MYLK: variants seen among roughly 807,000 people sequenced by gnomAD.
The protein encoded by MYLK is myosin light chain kinase.
Under a neutral mutation model 203.4 loss-of-function variants are expected in MYLK, and 106 were observed. The observed-to-expected ratio is 0.52, with a 90% confidence interval of 0.45 to 0.61. MYLK has a LOEUF of 0.61. Among genes scored for constraint, MYLK ranks in the 20% least tolerant of loss-of-function variants. The probability of loss-of-function intolerance (pLI) is 0.00; values close to 1 mark genes in which losing one functional copy is unlikely to be tolerated. For missense variants in MYLK, 2,072 were observed against 2,442.3 expected, an observed-to-expected ratio of 0.85 and a Z score of 3.20; for synonymous variants, 867 against 959.5, an observed-to-expected ratio of 0.90 and a Z score of 1.78.
chr3:123,635,858 G>A (rs77379923), intron 29 of MYLK, among the ~76,000 whole-genome samples: 236 of 152,182 alleles, frequency 1.6e-3, no homozygotes, highest in Non-Finnish European at 2.1e-3. Context: ...AAAGCAGAAC[G>A]GATAAATTAA....
chr3:123,776,082 C>G (rs2109007761), intron 4 of MYLK, among the ~76,000 whole-genome samples: 1 of 152,316 alleles, frequency 6.6e-6, no homozygotes, highest in East Asian at 1.9e-4. Context: ...GCCTCCCACC[C>G]TCCTGACCGC....
chr3:123,700,341 G>A lies in MYLK; in HGVS notation c.3127C>T (p.Pro1043Ser). The A allele has an allele frequency of 6.2e-7, 1 of 1,613,574 alleles. No individual in the cohort carries two copies. The highest frequency in any genetic ancestry group is 8.5e-7 in the Non-Finnish European group (1 of 1,179,858). The change falls in exon 18 of 34, where the codon CCT (proline) becomes TCT (serine). Residue 1043 changes from proline (P) to serine (S), a missense_variant. By Grantham distance (74) the Pro-to-Ser change is moderately conservative. Transcript: ENST00000360304. ...ETLKPMGNAKPAETLKPMGNA... is the reference protein window; with the variant it reads ...ETLKPMGNAKSAETLKPMGNA... ...CCCATGGGCTTCAGGGTCTCGGCAG[G>A]CTTGGCGTTGCCCATTGGCTTCAGG...
At position 123,778,728 on chromosome 3, in the gene MYLK, C is replaced by T. The variant is rs557483823; in HGVS notation, c.165+14949G>A. ...GGGCGGCTGAAACCTGCAGGTGTGA[C>T]CTTTGTTTCCATCTCTGGAGACTAA... On this transcript the variant is annotated intron_variant, in intron 4 of 33. Coordinates refer to ENST00000360304, the MANE Select transcript of MYLK (RefSeq NM_053025.4). Among the ~76,000 whole-genome samples, 131 of 152,284 alleles carry T rather than the reference C, an allele frequency of 8.6e-4. 1 individual carries two copies. Among genetic ancestry groups the T allele is most frequent in the African/African-American group, 3.0e-3 (126 of 41,558 alleles).
intron 19 of MYLK, among the ~76,000 whole-genome samples, chr3:123,686,175 G>A (rs903586395): frequency 6.6e-6 from 1 of 152,184 alleles, no homozygotes; most frequent in Non-Finnish European, 1.5e-5. Context: ...ATTTTGTGAT[G>A]AAATTAAACT....
intron 2 of MYLK, among the ~76,000 whole-genome samples, chr3:123,861,742 T>C (rs2031943277): frequency 6.6e-6 from 1 of 152,194 alleles, no homozygotes; most frequent in Non-Finnish European, 1.5e-5. Flanking sequence ...CAGCAGGTAC[T>C]TGACAAGTAC....
intron 13 of MYLK, among the ~76,000 whole-genome samples, chr3:123,718,403 A>C (rs1448559923): frequency 6.6e-6 from 1 of 152,166 alleles, no homozygotes; most frequent in Admixed American, 6.5e-5. Flanking sequence ...ATAATTAAGC[A>C]AGTAGAGTAA....
intron 16 of MYLK, among the ~76,000 whole-genome samples, chr3:123,705,452 T>A (rs1279991291): frequency 6.6e-6 from 1 of 152,202 alleles, no homozygotes; most frequent in Non-Finnish European, 1.5e-5. Flanking sequence ...CCATAAGGAA[T>A]GGAAGAGCAT....
At chr3:123,643,171 A>G (rs1440035822) in intron 27 of MYLK, among the ~76,000 whole-genome samples, 3 of 152,192 alleles carry the variant, frequency 2.0e-5, no homozygotes, top group Admixed American at 6.5e-5. Context: ...CCTTATGTCC[A>G]TGGCCTCGTC....
chr3:123,846,270 A>C (rs913885701), intron 2 of MYLK, among the ~76,000 whole-genome samples: 1 of 152,202 alleles, frequency 6.6e-6, no homozygotes, highest in Admixed American at 6.5e-5. Context: ...GTTTGTGTGA[A>C]TGCACAGAAA....
Position 123,726,054 on chromosome 3 carries a change from G to C in MYLK, c.1541C>G (p.Pro514Arg). ...VERLAVMEVA[P>R]SFSSVLKDCA... ...GTCCTTCAGGACACTGGAGAAGGAG[G>C]GGGCCACCTCCATCACGGCAAGCCC... The change falls in exon 12 of 34, where the codon CCC (proline) becomes CGC (arginine). Residue 514 changes from proline (P) to arginine (R), a missense_variant. Coordinates refer to ENST00000360304, the MANE Select transcript of MYLK (RefSeq NM_053025.4). 1.9e-6 allele frequency: 3 copies of C among 1,614,142 alleles called. No homozygotes were observed. Among genetic ancestry groups the C allele is most frequent in the Non-Finnish European group, 1.7e-6 (2 of 1,180,008 alleles).
chr3:123,734,144 C>A lies in MYLK; in HGVS notation c.852G>T (p.Lys284Asn), dbSNP rs2062593928. 1 of 1,559,878 alleles carries A rather than the reference C, an allele frequency of 6.4e-7. No individual in the cohort carries two copies. Among genetic ancestry groups the A allele is most frequent in the Non-Finnish European group, 8.7e-7 (1 of 1,155,332 alleles). ...TGGCTGCAGCCTCCAGACTGTCCAG[C>A]TTCGACTCCTTTGAGATTACATTGG... ...EVTNVISKESKLDSLEAAAKS... is the reference protein window; with the variant it reads ...EVTNVISKESNLDSLEAAAKS... The change falls in exon 10 of 34, where the codon AAG (lysine) becomes AAT (asparagine). Residue 284 changes from lysine (K) to asparagine (N), a missense_variant. Transcript: ENST00000360304.
chr3:123,771,622 T>C (rs961093524), intron 4 of MYLK, among the ~76,000 whole-genome samples: 1 of 152,254 alleles, frequency 6.6e-6, no homozygotes, highest in Non-Finnish European at 1.5e-5. Context: ...TTAAAGGCTA[T>C]GCATATACAG....
chr3:123,685,368 G>T (rs1179217440), intron 19 of MYLK, among the ~76,000 whole-genome samples: 6 of 152,160 alleles, frequency 3.9e-5, no homozygotes, highest in Non-Finnish European at 4.4e-5. Context: ...CAAGGCAGTT[G>T]GATCACTTGG....
chr3:123,706,225 G>A (rs1176810495), intron 16 of MYLK, among the ~76,000 whole-genome samples: 3 of 152,220 alleles, frequency 2.0e-5, no homozygotes, highest in South Asian at 4.2e-4. Context: ...AAAAATAAAC[G>A]AGCTATTTTT....
chr3:123,701,049 G>C, intron 17 of MYLK, 44 bp from the exon 18 acceptor site: 1 of 1,596,658 alleles, frequency 6.3e-7, no homozygotes, highest in Non-Finnish European at 8.5e-7. Context: ...GGAGGAAAAG[G>C]GGCTGGGTAA....
rs1297887127 is a variant in MYLK at position 123,681,866 on chromosome 3, C to A, written c.3652+358G>T. The A allele has an allele frequency of 8.7e-6, 3 of 345,292 alleles. No homozygotes were observed. In the Admixed American group the frequency reaches 1.2e-4, roughly 13 times the overall value. The allele number at this position is 345,292 out of a possible 1,614,324, so 21.4% of individuals were successfully genotyped here. ...TCAGAGTTACAATCCAGAAAGAGCC[C>A]CTGGGAGGGCAGGATCAACTGGGGA... On this transcript the variant is annotated intron_variant, in intron 20 of 33. Coordinates refer to ENST00000360304, the MANE Select transcript of MYLK (RefSeq NM_053025.4).
intron 13 of MYLK, among the ~76,000 whole-genome samples, chr3:123,711,212 C>T (rs1041607392): frequency 3.3e-5 from 5 of 151,402 alleles, no homozygotes; most frequent in Middle Eastern, 3.4e-3. Flanking sequence ...GGGCAGGGGA[C>T]GGGGGGTTGG....
chr3:123,660,167 C>G lies in MYLK; in HGVS notation c.3986-2739G>C, dbSNP rs554654597. Among the ~76,000 whole-genome samples, 45 of 152,258 alleles carry G rather than the reference C, an allele frequency of 3.0e-4. 1 individual carries two copies. In the South Asian group the frequency reaches 5.8e-3, roughly 20 times the overall value. On this transcript the variant is annotated intron_variant, in intron 23 of 33. Transcript: ENST00000360304. ...AGGCATTTTGCTTATCAAGAAAACC[C>G]AGTAGTCAGTGGCAGAGCCAAAAGG... is the stretch of plus-strand genomic sequence containing the variant.
Position 123,700,395 on chromosome 3 carries a change from G to A in MYLK, c.3073C>T (p.Pro1025Ser), listed in dbSNP as rs1386649547. 2 of 1,613,562 alleles carry A rather than the reference G, an allele frequency of 1.2e-6. No individual in the cohort carries two copies. The highest frequency in any genetic ancestry group is 2.2e-5 in the East Asian group (1 of 44,844). ...SNAQPSGPLK[P>S]VGNAKPAETL... is the part of the protein sequence containing the mutation. ...TCAGCAGGCTTGGCGTTGCCCACGG[G>A]TTTCAAGGGCCCTGAAGGCTGTGCA... The change falls in exon 18 of 34, where the codon CCC becomes TCC. Residue 1025 changes from proline (P) to serine (S), a missense_variant. Transcript: ENST00000360304.
Sources: gnomAD v4.1 joint callset for allele counts (sites outside exome capture counted in the v4.1 genomes callset) on GRCh38, gnomAD v4.1.1 for gene constraint, MANE v1.5 for transcripts, NCBI Gene and HGNC (gene_info 2026-07-23, HGNC 2026-07-21) for gene names.